The following ALDH1A2 variants were observed in gnomAD, a reference collection of about 807,000 sequenced individuals.
ALDH1A2 encodes the protein aldehyde dehydrogenase 1 family member A2, also known as retinal dehydrogenase 2.
In ALDH1A2, 27 loss-of-function variants were observed where a neutral mutation model predicts 60.3. The observed-to-expected ratio is 0.45, with a 90% CI of 0.33 to 0.62. The LOEUF (loss-of-function observed/expected upper bound fraction) is 0.62, where lower values mean the gene tolerates loss of function less well. Among genes scored for constraint, ALDH1A2 ranks in the 20% least tolerant of loss-of-function variants. The pLI is 0.02. For missense variants in ALDH1A2, 581 were observed against 643.8 expected (o/e 0.90, Z 1.06); for synonymous variants, 289 against 232.4 (o/e 1.24, Z -2.21).
chr15:58,004,391 A>G (rs1379097887), intron 4 of ALDH1A2, among the ~76,000 whole-genome samples: 19 of 151,852 alleles, frequency 1.3e-4, no homozygotes, highest in Admixed American at 1.2e-3. Context: ...TTGCATAACT[A>G]TGAGCCTTGG....
intron 4 of ALDH1A2, among the ~76,000 whole-genome samples, chr15:57,998,184 G>A (rs1412094859): frequency 6.6e-6 from 1 of 151,984 alleles, no homozygotes. Context: ...ACATAGTATT[G>A]GAAGTTCTGG....
At chr15:58,016,039 GAA>G (rs1258058380) in intron 1 of ALDH1A2, among the ~76,000 whole-genome samples, 1 of 151,916 alleles carries the variant, frequency 6.6e-6, no homozygotes, top group Non-Finnish European at 1.5e-5. Context: ...CAGGTTTAGG[GAA>G]AAAGTGGTCT....
At chr15:58,011,935 C>T (rs1895645225) in intron 3 of ALDH1A2, among the ~76,000 whole-genome samples, 1 of 152,160 alleles carries the variant, frequency 6.6e-6, no homozygotes, top group Non-Finnish European at 1.5e-5. Context: ...CCTAAATGGT[C>T]CCTGTGAGCT....
At position 57,995,081 on chromosome 15, in the gene ALDH1A2, G is replaced by T. The variant is rs756058906; in HGVS notation, c.552C>A (p.Ile184=). 1.2e-6 allele frequency: 2 copies of T among 1,611,300 alleles called. No homozygotes were observed. Among genetic ancestry groups the T allele is most frequent in the Non-Finnish European group, 1.7e-6 (2 of 1,177,836 alleles). ...AGGTGCGAGGAAATACACTCACTGG[G>T]ATGATCTGTCCACACACTCCAATGG... ...HEPIGVCGQI[I]PWNFPLLMFA... The change falls in exon 5 of 13, where the codon ATC becomes ATA. Residue 184 remains isoleucine (I), a synonymous_variant. Coordinates refer to ENST00000249750, the MANE Select transcript of ALDH1A2 (RefSeq NM_003888.4).
chr15:57,982,513 T>A (rs1490501198), intron 7 of ALDH1A2, among the ~76,000 whole-genome samples: 1 of 152,226 alleles, frequency 6.6e-6, no homozygotes, highest in African/African-American at 2.4e-5. Context: ...TGTTTTCTTT[T>A]AAGAGACTCT....
At chr15:58,043,837 A>C (rs2140559871) in intron 1 of ALDH1A2, among the ~76,000 whole-genome samples, 1 of 152,142 alleles carries the variant, frequency 6.6e-6, no homozygotes, top group Non-Finnish European at 1.5e-5. Flanking sequence ...AATGAATGAG[A>C]ATCTTTTTCT....
intron 1 of ALDH1A2, among the ~76,000 whole-genome samples, chr15:58,021,667 CT>C (rs1895932197): frequency 6.6e-6 from 1 of 152,218 alleles, no homozygotes; most frequent in Non-Finnish European, 1.5e-5. Context: ...CAAACCTAGC[CT>C]TTGACAAACG....
At chr15:58,003,902 G>A (rs1895359467) in intron 4 of ALDH1A2, among the ~76,000 whole-genome samples, 1 of 151,862 alleles carries the variant, frequency 6.6e-6, no homozygotes, top group Admixed American at 6.6e-5. Flanking sequence ...TAGGATTTAT[G>A]GTCAGAGACA....
chr15:58,033,262 T>A (rs1896291720), intron 1 of ALDH1A2, among the ~76,000 whole-genome samples: 1 of 151,824 alleles, frequency 6.6e-6, no homozygotes, highest in Non-Finnish European at 1.5e-5. Context: ...TGTATTGGGA[T>A]TATATTTAGT....
intron 7 of ALDH1A2, among the ~76,000 whole-genome samples, chr15:57,982,031 C>A (rs1441815): frequency 0.4 from 60,664 of 152,026 alleles, 13,769 homozygotes; most frequent in South Asian, 0.71. Context: ...ATTCAATGTG[C>A]AATCTCAAGC....
intron 1 of ALDH1A2, among the ~76,000 whole-genome samples, chr15:58,018,973 G>A (rs1439435672): frequency 2.0e-5 from 3 of 152,094 alleles, no homozygotes; most frequent in African/African-American, 7.2e-5. Flanking sequence ...GGGACAATTG[G>A]TGAAATTTGA....
chr15:57,958,823 A>G (rs747220861), intron 12 of ALDH1A2, among the ~76,000 whole-genome samples: 26 of 151,374 alleles, frequency 1.7e-4, no homozygotes, highest in Non-Finnish European at 3.8e-4. Context: ...AGTAGAGACA[A>G]ACAAACAAAC....
intron 1 of ALDH1A2, among the ~76,000 whole-genome samples, chr15:58,023,813 T>G (rs1895998957): frequency 6.6e-6 from 1 of 152,150 alleles, no homozygotes. Flanking sequence ...AAAATAGGGC[T>G]GGGCAGGGTG....
intron 4 of ALDH1A2, among the ~76,000 whole-genome samples, chr15:58,007,712 G>T (rs907016765): frequency 6.6e-6 from 1 of 151,124 alleles, no homozygotes; most frequent in Non-Finnish European, 1.5e-5. Context: ...ATAAAATTAG[G>T]TTGTTTTGTA....
chr15:57,984,387 ACCATAAAATC>A (rs1894627346), intron 7 of ALDH1A2, among the ~76,000 whole-genome samples: 1 of 152,236 alleles, frequency 6.6e-6, no homozygotes, highest in South Asian at 2.1e-4. Flanking sequence ...TAACTCATAT[ACCATAAAATC>A]CACTCTTTTG....
chr15:57,959,271 A>G (rs1893642543), intron 12 of ALDH1A2, among the ~76,000 whole-genome samples: 1 of 152,218 alleles, frequency 6.6e-6, no homozygotes, highest in Admixed American at 6.5e-5. Flanking sequence ...GCACAGACAT[A>G]GAGGAAGGAA....
In ALDH1A2 at chr15:58,065,664, G is replaced by C. The variant is rs775200762; in HGVS notation, c.-14C>G. The C allele has an allele frequency of 3.8e-6, 6 of 1,567,272 alleles. No homozygotes were observed. Among genetic ancestry groups the C allele is most frequent in the Non-Finnish European group, 5.2e-6 (6 of 1,153,856 alleles). ...GCTGGAAGTCATGGTGGCGGGCCGG[G>C]TGTCCCTAGCCCGCGGCGTGGGGCA... On this transcript the variant is annotated 5_prime_UTR_variant, in exon 1 of 13. Transcript: ENST00000249750.
intron 7 of ALDH1A2, chr15:57,979,795 G>A (rs1183014338): frequency 4.0e-6 from 1 of 250,328 alleles, no homozygotes; most frequent in African/African-American, 2.3e-5. Context: ...AGCACCCAAG[G>A]GAGCCCCGTC....
chr15:58,011,948 C>G (rs142794770), intron 3 of ALDH1A2: 31 of 152,206 alleles, frequency 2.0e-4, no homozygotes, highest in African/African-American at 7.0e-4. Context: ...TGTGAGCTGC[C>G]GACACCAGTC....
Sources: allele counts gnomAD v4.1 joint callset (sites outside exome capture counted in the v4.1 genomes callset), GRCh38; gene constraint gnomAD v4.1.1; transcripts MANE v1.5; gene names NCBI Gene and HGNC (gene_info 2026-07-23, HGNC 2026-07-21).